The following PDZD2 variants were observed in gnomAD, a reference collection of about 807,000 sequenced individuals.
PDZD2 encodes the protein PDZ domain-containing protein 2.
Under a neutral mutation model 220.7 loss-of-function variants are expected in PDZD2, and 90 were observed. The ratio of observed to expected loss-of-function variants is 0.41; its 90% CI spans 0.34 to 0.49. The LOEUF is 0.49. Ranked by LOEUF, PDZD2 falls within the 20% of genes least tolerant of loss-of-function variation. PDZD2 has a pLI of 0.28. For missense variants in PDZD2, 3,174 were observed against 3,608.5 expected, an observed-to-expected ratio of 0.88 and a Z score of 3.08; for synonymous variants, 1,375 against 1,450.5, an observed-to-expected ratio of 0.95 and a Z score of 1.18.
chr5:31,794,734 T>G (rs1436560130), intron 1 of PDZD2, among the ~76,000 whole-genome samples: 2 of 152,196 alleles, frequency 1.3e-5, no homozygotes, highest in Non-Finnish European at 2.9e-5. Context: ...AAAAAATTTT[T>G]TTTTATTTTT....
chr5:31,965,428 A>G (rs961442300), intron 2 of PDZD2, among the ~76,000 whole-genome samples: 4 of 152,188 alleles, frequency 2.6e-5, no homozygotes, highest in African/African-American at 4.8e-5. Flanking sequence ...ATGATGTTCT[A>G]CACACGGGGG....
intron 1 of PDZD2, among the ~76,000 whole-genome samples, chr5:31,691,510 TGCTTTTATTCTCTTATCTGGCGCC>T: frequency 6.6e-6 from 1 of 150,758 alleles, no homozygotes; most frequent in South Asian, 2.1e-4. Context: ...TGGCGCCACC[TGCTTTTATTCTCTTATCTGGCGCC>T]ACCTGCTTTT....
At chr5:31,720,328 G>A (rs1306758448) in intron 1 of PDZD2, among the ~76,000 whole-genome samples, 1 of 152,156 alleles carries the variant, frequency 6.6e-6, no homozygotes, top group Non-Finnish European at 1.5e-5. Context: ...AAAAAGCATA[G>A]CAGGTATCCA....
rs879530487 is a variant in PDZD2, at chr5:31,733,327, T to C, written c.-360-65562T>C. On this transcript the variant is annotated intron_variant, in intron 1 of 24. Coordinates refer to ENST00000438447, the MANE Select transcript of PDZD2 (RefSeq NM_178140.4). ...CATCAAACTGAGGATGAAAAAATCC[T>C]GGGGGTTCAAATGGTTGACAGCTAA... Among the ~76,000 whole-genome samples the C allele has an allele frequency of 5.3e-5, 8 of 152,182 alleles. No homozygotes were observed. The East Asian group carries it at 5.8e-4, about 11-fold the overall frequency.
Position 31,955,045 on chromosome 5 carries a change from G to A in PDZD2, c.477-28110G>A, listed in dbSNP as rs370722988. On this transcript the variant is annotated intron_variant, in intron 2 of 24. Transcript: ENST00000438447. Reference sequence around the variant, plus strand: ...GAGCACTGGAGCATCCCCAAGCCCCGTACCCTGTGGAACGTCTAGAGAGGA... The same window carrying A: ...GAGCACTGGAGCATCCCCAAGCCCCATACCCTGTGGAACGTCTAGAGAGGA... 1.6e-3 allele frequency among the ~76,000 whole-genome samples: 248 copies of A among 152,236 alleles called. 2 individuals carry two copies. The highest frequency in any genetic ancestry group is 5.6e-3 in the African/African-American group (233 of 41,548).
intron 2 of PDZD2, among the ~76,000 whole-genome samples, chr5:31,886,047 C>G (rs1292640275): frequency 1.3e-5 from 2 of 151,862 alleles, no homozygotes; most frequent in Non-Finnish European, 2.9e-5. Flanking sequence ...TTACAGGCAC[C>G]CACCACCACA....
At chr5:31,641,482 G>A (rs1561358199) in intron 1 of PDZD2, among the ~76,000 whole-genome samples, 1 of 152,056 alleles carries the variant, frequency 6.6e-6, no homozygotes, top group Non-Finnish European at 1.5e-5. Context: ...GAGGAACTAA[G>A]GACTCAGAGG....
intron 7 of PDZD2, among the ~76,000 whole-genome samples, chr5:32,046,036 T>C (rs748860828): frequency 9.2e-5 from 14 of 152,210 alleles, no homozygotes; most frequent in Non-Finnish European, 1.9e-4. Flanking sequence ...ATGAGGAATC[T>C]GTATATACAC....
intron 24 of PDZD2, chr5:32,105,991 T>C (rs1454859278): frequency 6.6e-6 from 1 of 152,322 alleles, no homozygotes; most frequent in Non-Finnish European, 1.5e-5. Context: ...ACTGGTTTTG[T>C]GGAAGACAAT....
intron 1 of PDZD2, among the ~76,000 whole-genome samples, chr5:31,745,321 G>A (rs190578702): frequency 1.3e-5 from 2 of 152,308 alleles, no homozygotes; most frequent in African/African-American, 2.4e-5. Context: ...CTCTTCGTAT[G>A]TGTGGGTACG....
chr5:31,995,649 G>A lies in PDZD2; in HGVS notation c.1052G>A (p.Gly351Asp). Residue 351 changes from glycine (G) to aspartate (D), a missense_variant, in exon 4 of 25, where the codon GGC becomes GAC. Transcript: ENST00000438447. ...SDGLGIQVSG[G>D]RGSKRSPHAI... ...GGGCTGGGAATTCAGGTTAGTGGAG[G>A]CCGAGGATCAAAGCGCTCACCTCAC... 1 of 1,614,106 alleles carries A rather than the reference G, an allele frequency of 6.2e-7. No homozygotes were observed. Among genetic ancestry groups the A allele is most frequent in the Non-Finnish European group, 8.5e-7 (1 of 1,180,020 alleles).
intron 1 of PDZD2, among the ~76,000 whole-genome samples, chr5:31,662,036 C>T (rs956445815): frequency 5.9e-5 from 9 of 152,034 alleles, no homozygotes; most frequent in East Asian, 3.9e-4. Flanking sequence ...GTCGGCTGGG[C>T]GTGGTGGCTC....
At chr5:32,091,629 T>A (rs1467468295) in intron 20 of PDZD2, among the ~76,000 whole-genome samples, 2 of 152,130 alleles carry the variant, frequency 1.3e-5, no homozygotes, top group African/African-American at 4.8e-5. Context: ...ATAACCACGG[T>A]CCATTCGTCA....
intron 1 of PDZD2, among the ~76,000 whole-genome samples, chr5:31,690,958 C>G (rs1204955743): frequency 6.6e-6 from 1 of 152,138 alleles, no homozygotes; most frequent in East Asian, 1.9e-4. Context: ...ACGGGCGAGT[C>G]TAGCAGGAGT....
intron 2 of PDZD2, among the ~76,000 whole-genome samples, chr5:31,922,328 G>A (rs1744341708): frequency 1.3e-5 from 2 of 152,102 alleles, no homozygotes; most frequent in Admixed American, 1.3e-4. Flanking sequence ...GCGTAATGTG[G>A]TTTTTGATAG....
chr5:31,650,880 T>C (rs1745325467), intron 1 of PDZD2, among the ~76,000 whole-genome samples: 1 of 152,206 alleles, frequency 6.6e-6, no homozygotes, highest in African/African-American at 2.4e-5. Context: ...GGTGAGAGCA[T>C]GGACTCCATT....
intron 2 of PDZD2, chr5:31,840,435 TATATATA>T (rs1561499285): frequency 0.02 from 1,889 of 93,296 alleles, 131 homozygotes; most frequent in Non-Finnish European, 0.03. Flanking sequence ...TATATATATA[TATATATA>T]TATATATTTG....
chr5:32,100,787 TGG>T, intron 23 of PDZD2: 1 of 828,682 alleles, frequency 1.2e-6, no homozygotes, highest in African/African-American at 1.7e-5. Flanking sequence ...ACAGCCGGTG[TGG>T]GGGGCTTAAC....
chr5:32,052,520 A>T, intron 8 of PDZD2, 91 bp from the exon 9 acceptor site: 1 of 1,215,050 alleles, frequency 8.2e-7, no homozygotes, highest in Non-Finnish European at 1.2e-6. Context: ...AAGACATCTA[A>T]GATTTTCAAA....
Sources: allele counts gnomAD v4.1 joint callset (sites outside exome capture counted in the v4.1 genomes callset), GRCh38; gene constraint gnomAD v4.1.1; transcripts MANE v1.5; gene names NCBI Gene and HGNC (gene_info 2026-07-23, HGNC 2026-07-21).